Variants in SSBP2 observed in about 807,000 individuals in gnomAD.
The protein encoded by SSBP2 is single-stranded DNA-binding protein 2.
In SSBP2, 17 loss-of-function variants were observed where a neutral mutation model predicts 61.8. The observed-to-expected ratio is 0.28, with a 90% CI of 0.19 to 0.41. SSBP2 has a LOEUF of 0.41. Among genes scored for constraint, SSBP2 ranks in the 10% least tolerant of loss-of-function variants. The probability of loss-of-function intolerance (pLI) is 1.00; values close to 1 mark genes in which losing one functional copy is unlikely to be tolerated. For synonymous variants in SSBP2, 139 were observed against 141.3 expected (o/e 0.98, Z 0.12); for missense variants, 310 against 458.7 (o/e 0.68, Z 2.96).
chr5:81,472,892 C>T (rs939095514), intron 8 of SSBP2, among the ~76,000 whole-genome samples: 6 of 152,082 alleles, frequency 3.9e-5, no homozygotes, highest in Non-Finnish European at 8.8e-5. Flanking sequence ...TGAGCCACTG[C>T]GCCCAGCCAA....
intron 4 of SSBP2, among the ~76,000 whole-genome samples, chr5:81,514,295 T>A (rs1395208636): frequency 6.6e-6 from 1 of 151,654 alleles, no homozygotes; most frequent in Non-Finnish European, 1.5e-5. Flanking sequence ...AGGGATTGAA[T>A]AGGAGAAATA....
intron 4 of SSBP2, among the ~76,000 whole-genome samples, chr5:81,543,301 G>A (rs924942418): frequency 1.3e-5 from 2 of 152,158 alleles, no homozygotes; most frequent in Admixed American, 1.3e-4. Context: ...CCAGTCTTAG[G>A]TAGTATCTCT....
At chr5:81,481,446 A>T (rs1765979892) in intron 6 of SSBP2, among the ~76,000 whole-genome samples, 1 of 151,900 alleles carries the variant, frequency 6.6e-6, no homozygotes, top group African/African-American at 2.4e-5. Context: ...ACATGGTGAA[A>T]CCCCATCTCT....
intron 4 of SSBP2, among the ~76,000 whole-genome samples, chr5:81,608,622 T>A (rs1042843133): frequency 5.3e-5 from 8 of 152,208 alleles, no homozygotes; most frequent in African/African-American, 1.9e-4. Flanking sequence ...ACCAGATTTC[T>A]TATCTATTCA....
chr5:81,476,924 T>C (rs942385728), intron 6 of SSBP2, among the ~76,000 whole-genome samples: 1 of 152,196 alleles, frequency 6.6e-6, no homozygotes, highest in Non-Finnish European at 1.5e-5. Context: ...TGTAATCTAT[T>C]ACTATCATCA....
rs1040274236 is a variant in SSBP2, at chr5:81,681,068, A to G, written c.63-30729T>C. On this transcript the variant is annotated intron_variant, in intron 1 of 16. Coordinates refer to ENST00000320672, the MANE Select transcript of SSBP2 (RefSeq NM_012446.5). ...TTTAAAAGGATAGAAATCATATAGT[A>G]TCTGCTCTCAGACACAAAAGAATTA... is the stretch of plus-strand genomic sequence containing the variant. 5.9e-5 allele frequency among the ~76,000 whole-genome samples: 9 copies of G among 152,214 alleles called. No individual in the cohort carries two copies. The East Asian group carries it at 1.7e-3, about 29-fold the overall frequency.
intron 1 of SSBP2, among the ~76,000 whole-genome samples, chr5:81,717,017 A>G (rs1755210451): frequency 6.6e-6 from 1 of 152,210 alleles, no homozygotes; most frequent in South Asian, 2.1e-4. Context: ...TAAATACAAT[A>G]TTCATCATTT....
chr5:81,461,089 C>A lies in SSBP2; in HGVS notation c.653G>T (p.Gly218Val). The A allele has an allele frequency of 6.3e-7, 1 of 1,587,278 alleles. No individual in the cohort carries two copies. Among genetic ancestry groups the A allele is most frequent in the Non-Finnish European group, 8.6e-7 (1 of 1,166,570 alleles). Residue 218 changes from glycine (G) to valine (V), a missense_variant, in exon 10 of 17, where the codon GGT (glycine) becomes GTT (valine). By Grantham distance (109) the Gly-to-Val change is moderately radical. Coordinates refer to ENST00000320672, the MANE Select transcript of SSBP2 (RefSeq NM_012446.5). The stretch of plus-strand genomic sequence containing the variant: ...ATTTGTTGGGTTTGGCCAAGGTCTA[C>A]CACCACCTGGACCCCTACAAAACAA...
At chr5:81,726,899 G>A (rs1391168716) in intron 1 of SSBP2, among the ~76,000 whole-genome samples, 1 of 152,192 alleles carries the variant, frequency 6.6e-6, no homozygotes, top group East Asian at 1.9e-4. Flanking sequence ...AGGTTTCCCT[G>A]ATGACTTCAG....
At chr5:81,722,297 A>G (rs539973360) in intron 1 of SSBP2, among the ~76,000 whole-genome samples, 17 of 152,118 alleles carry the variant, frequency 1.1e-4, no homozygotes, top group Admixed American at 1.1e-3. Flanking sequence ...TAACTATACT[A>G]CAACTCTCCA....
chr5:81,613,722 G>A (rs1745685233), intron 4 of SSBP2, among the ~76,000 whole-genome samples: 2 of 152,142 alleles, frequency 1.3e-5, no homozygotes, highest in Non-Finnish European at 2.9e-5. Context: ...AATATCTCCC[G>A]TGACTGACAG....
Position 81,461,147 on chromosome 5 carries a change from A to C in SSBP2, c.639-44T>G, listed in dbSNP as rs761762665. On this transcript the variant is annotated intron_variant, in intron 9 of 16. Transcript: ENST00000320672. ...AATGAAATTTTAACCTATGCTTTGA[A>C]GGTTTCACAATAATCAATGACAAAT... The C allele has an allele frequency of 2.8e-6, 4 of 1,419,710 alleles. No individual in the cohort carries two copies. The Admixed American group carries it at 8.2e-5, about 29-fold the overall frequency. 87.9% of individuals were successfully genotyped at this position (1,419,710 alleles called of 1,614,324 possible).
chr5:81,485,468 A>T (rs896993940), intron 6 of SSBP2, among the ~76,000 whole-genome samples: 4 of 152,186 alleles, frequency 2.6e-5, no homozygotes, highest in African/African-American at 9.6e-5. Context: ...CTGTAGTCTA[A>T]TCATTAGTAA....
At chr5:81,602,584 TC>T (rs1481103709) in intron 4 of SSBP2, among the ~76,000 whole-genome samples, 1 of 152,182 alleles carries the variant, frequency 6.6e-6, no homozygotes, top group Non-Finnish European at 1.5e-5. Context: ...CACCTTAGTT[TC>T]ATCTCTGCCC....
chr5:81,490,420 T>C (rs1766772552), intron 5 of SSBP2, among the ~76,000 whole-genome samples: 1 of 152,112 alleles, frequency 6.6e-6, no homozygotes, highest in South Asian at 2.1e-4. Context: ...ATATAATTAC[T>C]TAAACGTAAG....
At chr5:81,605,470 T>G (rs1408487455) in intron 4 of SSBP2, among the ~76,000 whole-genome samples, 1 of 152,138 alleles carries the variant, frequency 6.6e-6, no homozygotes, top group Non-Finnish European at 1.5e-5. Context: ...CCTTTATTAC[T>G]ATTCTAGTCT....
chr5:81,594,050 T>C lies in SSBP2; in HGVS notation c.282+21423A>G, dbSNP rs187723412. ...CAATTAAAAGACACAGACTGGCAAA[T>C]TGGATAAAGAGTCAACACCCATCAG... On this transcript the variant is annotated intron_variant, in intron 4 of 16. Transcript: ENST00000320672. Among the ~76,000 whole-genome samples the C allele has an allele frequency of 1.3e-3, 202 of 151,240 alleles. 2 individuals carry two copies. Among genetic ancestry groups the C allele is most frequent in the East Asian group, 7.0e-3 (36 of 5,176 alleles).
intron 1 of SSBP2, among the ~76,000 whole-genome samples, chr5:81,685,196 G>A (rs554369724): frequency 3.9e-5 from 6 of 152,124 alleles, no homozygotes; most frequent in Non-Finnish European, 7.3e-5. Flanking sequence ...TAAGTCTGCA[G>A]ATCTGTGAGT....
In SSBP2 at chr5:81,704,795, CAAAA is replaced by C. The variant is rs34376110; in HGVS notation, c.62+46182_62+46185del. 6.3e-4 allele frequency among the ~76,000 whole-genome samples: 33 copies of C among 51,986 alleles called. 1 individual carries two copies. Among genetic ancestry groups the C allele is most frequent in the Middle Eastern group, 0.017 (1 of 58 alleles). The allele number at this position is 51,986 out of a possible 152,430, so 34.1% of individuals were successfully genotyped here. On this transcript the variant is annotated intron_variant, in intron 1 of 16. Coordinates refer to ENST00000320672, the MANE Select transcript of SSBP2 (RefSeq NM_012446.5). The stretch of plus-strand genomic sequence containing the variant: ...TGGGTGACGGGGAATGATTCCATCT[CAAAA>C]AAAAAAAAAAAAAAAAAAAAAAATG...
Sources: gnomAD v4.1 joint callset for allele counts (sites outside exome capture counted in the v4.1 genomes callset) on GRCh38, gnomAD v4.1.1 for gene constraint, MANE v1.5 for transcripts, NCBI Gene and HGNC (gene_info 2026-07-23, HGNC 2026-07-21) for gene names.